The following SSUH2 variants were observed in gnomAD, a reference collection of about 807,000 sequenced individuals.
The protein encoded by SSUH2 is protein SSUH2 homolog.
In SSUH2, 47 loss-of-function variants were observed where a neutral mutation model predicts 55.3. That is an observed-to-expected ratio of 0.85 (90% CI 0.67 to 1.08). SSUH2 has a LOEUF of 1.08. SSUH2 is among the 50% of genes least tolerant of loss of function. The probability of loss-of-function intolerance (pLI) is 0.00; values close to 1 mark genes in which losing one functional copy is unlikely to be tolerated. For missense variants in SSUH2, 535 were observed against 490.7 expected (o/e 1.09, Z -0.85); for synonymous variants, 212 against 191.5 (o/e 1.11, Z -0.89).
chr3:8,653,564 T>C (rs1297758256), intron 7 of SSUH2, among the ~76,000 whole-genome samples: 1 of 152,238 alleles, frequency 6.6e-6, no homozygotes, highest in Non-Finnish European at 1.5e-5. Context: ...CATTTTATTG[T>C]TGTTGCTGTA....
upstream of SSUH2, among the ~76,000 whole-genome samples, chr3:8,645,766 C>T (rs116927158): frequency 8.7e-4 from 132 of 152,296 alleles, no homozygotes; most frequent in East Asian, 0.023. Flanking sequence ...TCCTAAATGT[C>T]GGCCTGTCTG....
intron 2 of SSUH2, among the ~76,000 whole-genome samples, chr3:8,678,889 A>AC (rs1705679581): frequency 5.6e-5 from 6 of 106,474 alleles, no homozygotes; most frequent in Non-Finnish European, 1.3e-4. Context: ...TCCCCATTGC[A>AC]AGGGAGGGAG....
At chr3:8,633,963 CG>C in intron 3 of SSUH2, 168 bp from the exon 4 acceptor site, 1 of 1,612,142 alleles carries the variant, frequency 6.2e-7, no homozygotes, top group South Asian at 1.1e-5. Context: ...ACCATGTGAA[CG>C]GGTGCCCAGC....
At chr3:8,645,548 G>A (rs777906545), upstream of SSUH2, among the ~76,000 whole-genome samples, 2 of 152,242 alleles carry the variant, frequency 1.3e-5, no homozygotes, top group African/African-American at 4.8e-5. Flanking sequence ...GCTGGTCCCC[G>A]AGGCTCTATG....
chr3:8,624,100 A>C (rs1013832133), intron 10 of SSUH2, among the ~76,000 whole-genome samples: 2 of 152,152 alleles, frequency 1.3e-5, no homozygotes, highest in Non-Finnish European at 2.9e-5. Context: ...CTTGCACTCA[A>C]CCTACAGAAA....
chr3:8,678,455 TA>T (rs545132572), intron 2 of SSUH2, among the ~76,000 whole-genome samples: 16 of 151,518 alleles, frequency 1.1e-4, no homozygotes, highest in South Asian at 2.1e-4. Flanking sequence ...TCTCCGCCTC[TA>T]TCCCCCCCTG....
At chr3:8,629,761 C>G in intron 6 of SSUH2, 35 bp from the exon 7 acceptor site, 1 of 1,606,918 alleles carries the variant, frequency 6.2e-7, no homozygotes, top group Non-Finnish European at 8.5e-7. Flanking sequence ...ATCTAGTTTC[C>G]CAAGGGCCAC....
At chr3:8,668,391 G>A (rs913013893) in intron 5 of SSUH2, among the ~76,000 whole-genome samples, 17 of 152,224 alleles carry the variant, frequency 1.1e-4, no homozygotes, top group African/African-American at 4.1e-4. Flanking sequence ...TGGCAGCAAT[G>A]TGACATCATA....
At chr3:8,643,787 C>G (rs949388275) in intron 1 of SSUH2, among the ~76,000 whole-genome samples, 1 of 152,192 alleles carries the variant, frequency 6.6e-6, no homozygotes, top group African/African-American at 2.4e-5. Flanking sequence ...CTACATCTCC[C>G]AAAAAGCATG....
chr3:8,631,755 C>T (rs1255084169), intron 5 of SSUH2, among the ~76,000 whole-genome samples: 5 of 151,998 alleles, frequency 3.3e-5, no homozygotes, highest in African/African-American at 7.3e-5. Context: ...TGCTTAGACA[C>T]GCATGCTGCT....
chr3:8,653,551 G>A (rs562387900), intron 7 of SSUH2, among the ~76,000 whole-genome samples: 1 of 152,128 alleles, frequency 6.6e-6, no homozygotes, highest in African/African-American at 2.4e-5. Flanking sequence ...GTTTTACCTT[G>A]TTCATTTTAT....
intron 3 of SSUH2, 102 bp from the exon 4 acceptor site, chr3:8,633,897 C>A: frequency 6.2e-7 from 1 of 1,613,914 alleles, no homozygotes; most frequent in Non-Finnish European, 8.5e-7. Context: ...ACTGAGGCCA[C>A]GGTAGTGGTA....
At chr3:8,681,606 C>A (rs1214592279) in intron 1 of SSUH2, among the ~76,000 whole-genome samples, 2 of 151,330 alleles carry the variant, frequency 1.3e-5, no homozygotes, top group Non-Finnish European at 3.0e-5. Flanking sequence ...ACTCTTTTCC[C>A]CCGGCTCTTG....
chr3:8,640,818 T>C (rs1700702742), intron 1 of SSUH2, among the ~76,000 whole-genome samples: 1 of 152,236 alleles, frequency 6.6e-6, no homozygotes, highest in Non-Finnish European at 1.5e-5. Context: ...CTTTAAGTTA[T>C]GTAGGCCACC....
At chr3:8,649,974 C>A (rs763397144) in intron 7 of SSUH2, among the ~76,000 whole-genome samples, 205 of 152,292 alleles carry the variant, frequency 1.3e-3, no homozygotes, top group South Asian at 2.3e-3. Flanking sequence ...TTCCCTTCAA[C>A]CCTTTCCTCC....
intron 1 of SSUH2, chr3:8,679,860 AAG>A (rs1705837240): frequency 6.6e-6 from 1 of 152,412 alleles, no homozygotes; most frequent in Non-Finnish European, 1.5e-5. Context: ...CTAAGGGAAG[AAG>A]GCAGGTGAGA....
chr3:8,653,405 T>C (rs892607826), intron 7 of SSUH2, among the ~76,000 whole-genome samples: 1 of 152,248 alleles, frequency 6.6e-6, no homozygotes, highest in Non-Finnish European at 1.5e-5. Flanking sequence ...ACATGTAAAT[T>C]TGCTTATAAG....
chr3:8,650,241 A>G (rs1361372695), intron 7 of SSUH2, among the ~76,000 whole-genome samples: 1 of 152,084 alleles, frequency 6.6e-6, no homozygotes, highest in Non-Finnish European at 1.5e-5. Context: ...GTTTTTCTTC[A>G]TGGCACTTAC....
At chr3:8,631,847 C>A (rs554839884) in intron 5 of SSUH2, among the ~76,000 whole-genome samples, 1 of 151,812 alleles carries the variant, frequency 6.6e-6, no homozygotes, top group Non-Finnish European at 1.5e-5. Context: ...GCTTCCTGGG[C>A]AGGAAGCATT....
Sources: gnomAD v4.1 joint callset for allele counts (sites outside exome capture counted in the v4.1 genomes callset) on GRCh38, gnomAD v4.1.1 for gene constraint, MANE v1.5 for transcripts, NCBI Gene and HGNC (gene_info 2026-07-23, HGNC 2026-07-21) for gene names.